The following COL6A2 variants were observed in gnomAD, a reference collection of about 807,000 sequenced individuals.
COL6A2 encodes collagen alpha-2(VI) chain.
COL6A2 carries 90 observed loss-of-function variants against 124.9 expected under a neutral mutation model. The ratio of observed to expected loss-of-function variants is 0.72; its 90% CI spans 0.61 to 0.86. The LOEUF is 0.86. COL6A2 is among the 40% of genes least tolerant of loss of function. The probability of loss-of-function intolerance (pLI) is 0.00; values close to 1 mark genes in which losing one functional copy is unlikely to be tolerated. For synonymous variants in COL6A2, 793 were observed against 618.2 expected (o/e 1.28, Z -4.19); for missense variants, 1,607 against 1,502.5 (o/e 1.07, Z -1.15).
Position 46,132,450 on chromosome 21 carries a change from C to G in COL6A2, c.2958C>G (p.Thr986=), listed in dbSNP as rs777656227. The change falls in exon 28 of 28, where the codon ACC becomes ACG. Residue 986 remains threonine, a synonymous_variant. Coordinates refer to ENST00000300527, the MANE Select transcript of COL6A2 (RefSeq NM_001849.4). ...LGSDVDMDVL[T]TLSLGDRAAV... is the part of the protein sequence containing the mutation. ...GCGACGTGGACATGGACGTGCTCACCACGCTCAGCCTGGGTGACCGCGCCG... is the reference window on the plus strand; with the variant it reads ...GCGACGTGGACATGGACGTGCTCACGACGCTCAGCCTGGGTGACCGCGCCG... 2.1e-5 allele frequency: 33 copies of G among 1,606,138 alleles called. No homozygotes were observed. Among genetic ancestry groups the G allele is most frequent in the Non-Finnish European group, 2.6e-5 (31 of 1,176,740 alleles).
chr21:46,123,945 G>A (rs1182056212), intron 21 of COL6A2, among the ~76,000 whole-genome samples: 1 of 148,414 alleles, frequency 6.7e-6, no homozygotes, highest in Non-Finnish European at 1.5e-5. Context: ...TAGGTGATGG[G>A]TGGATGAGTG....
At chr21:46,101,933 G>A (rs1351188081) in intron 1 of COL6A2, among the ~76,000 whole-genome samples, 2 of 118,784 alleles carry the variant, frequency 1.7e-5, no homozygotes, top group Admixed American at 8.6e-5. Context: ...CACTATTTCT[G>A]AAAAAAAAAA....
At chr21:46,130,388 T>C (rs2078745490) in intron 27 of COL6A2, among the ~76,000 whole-genome samples, 1 of 151,920 alleles carries the variant, frequency 6.6e-6, no homozygotes, top group Non-Finnish European at 1.5e-5. Context: ...CACGGCGAGC[T>C]GACCCCGACG....
At chr21:46,101,285 T>C (rs1462869059) in intron 1 of COL6A2, among the ~76,000 whole-genome samples, 1 of 152,242 alleles carries the variant, frequency 6.6e-6, no homozygotes, top group Non-Finnish European at 1.5e-5. Flanking sequence ...ATTTTAGGAG[T>C]TCTCTGTATA....
rs768434256 is a variant in COL6A2, at chr21:46,112,032, G to A, written c.169G>A (p.Val57Ile). 3.3e-5 allele frequency: 54 copies of A among 1,612,834 alleles called. No homozygotes were observed. Among genetic ancestry groups the A allele is most frequent in the South Asian group, 6.6e-5 (6 of 91,076 alleles). ...CTTCGTGCTGGACACCTCGGAGAGC[G>A]TCACCATGCAGTCCCCCACGGACAT... ...VYFVLDTSES[V>I]TMQSPTDILL... Residue 57 changes from valine (V) to isoleucine (I), a missense_variant, in exon 3 of 28, where the codon GTC becomes ATC. Coordinates refer to ENST00000300527, the MANE Select transcript of COL6A2 (RefSeq NM_001849.4).
At chr21:46,119,875 C>T (rs371339730) in intron 15 of COL6A2, 25 bp downstream of exon 15, 252 of 1,550,838 alleles carry the variant, frequency 1.6e-4, no homozygotes, top group Non-Finnish European at 1.9e-4. Flanking sequence ...GGAGGCAGCC[C>T]AGGGTCTCAC....
At position 46,125,870 on chromosome 21, in the gene COL6A2, G is replaced by C; in HGVS notation, c.2055G>C (p.Ser685=). Residue 685 remains serine, a synonymous_variant, in exon 26 of 28, where the codon TCG becomes TCC. Transcript: ENST00000300527. ...ACGACGAACGTATCGACTCCCTGTC[G>C]AGCTTCAAGGAGGCTGTCAAGAACC... The part of the protein sequence containing the change: ...QLDDERIDSL[S]SFKEAVKNLE... 5 of 1,613,054 alleles carry C rather than the reference G, an allele frequency of 3.1e-6. No individual in the cohort carries two copies. Among genetic ancestry groups the C allele is most frequent in the Non-Finnish European group, 4.2e-6 (5 of 1,179,984 alleles).
chr21:46,122,369 G>C, intron 19 of COL6A2, 127 bp from the exon 20 acceptor site: 1 of 1,370,768 alleles, frequency 7.3e-7, no homozygotes, highest in East Asian at 2.3e-5. Context: ...TCAGAACGCA[G>C]CACAGTGGCC....
At chr21:46,125,378 TGG>T in intron 24 of COL6A2, 67 bp downstream of exon 24, 6 of 1,604,870 alleles carry the variant, frequency 3.7e-6, no homozygotes, top group Non-Finnish European at 5.1e-6. Flanking sequence ...GCAGCAGGGC[TGG>T]GTCATCGCTG....
At chr21:46,118,837 G>A (rs1405592989) in intron 13 of COL6A2, among the ~76,000 whole-genome samples, 161 bp downstream of exon 13, 1 of 152,210 alleles carries the variant, frequency 6.6e-6, no homozygotes, top group African/African-American at 2.4e-5. Context: ...TGTGCCCTGA[G>A]CCACCAGCCC....
intron 27 of COL6A2, 137 bp downstream of exon 27, chr21:46,126,678 A>C (rs2078675368): frequency 9.6e-7 from 1 of 1,046,902 alleles, no homozygotes; most frequent in African/African-American, 1.6e-5. Flanking sequence ...GCTGCTCCTT[A>C]GGGAGATGGC....
rs886043730 is a variant in COL6A2, at chr21:46,117,857, TCTCA to T, written c.1054-13_1054-10del. The T allele has an allele frequency of 6.2e-7, 1 of 1,607,126 alleles. No individual in the cohort carries two copies. The highest frequency in any genetic ancestry group is 2.2e-5 in the East Asian group (1 of 44,638). ...CACCCGCCGTGTGCCGAGCTCCACC[TCTCA>T]CTCCTCTCTCAGGGCCCCGACGGTT... On this transcript the variant is annotated splice_polypyrimidine_tract_variant and intron_variant, in intron 11 of 27. Transcript: ENST00000300527.
chr21:46,119,672 CA>C (rs1347672317), intron 14 of COL6A2, 115 bp from the exon 15 acceptor site: 1 of 960,054 alleles, frequency 1.0e-6, no homozygotes, highest in Non-Finnish European at 1.6e-6. Flanking sequence ...TCCCAGGTCC[CA>C]AAGCCAGAGC....
chr21:46,129,852 C>T (rs2078737758), intron 27 of COL6A2: 3 of 1,060,360 alleles, frequency 2.8e-6, no homozygotes, highest in African/African-American at 3.3e-5. Context: ...TCACAGGCTC[C>T]AGGGTTTGGG....
chr21:46,122,000 C>A, intron 18 of COL6A2, 108 bp from the exon 19 acceptor site: 1 of 1,204,524 alleles, frequency 8.3e-7, no homozygotes, highest in Non-Finnish European at 1.2e-6. Context: ...CTCGACGGCA[C>A]CCCTAGCCCA....
In COL6A2 at chr21:46,132,673, C is replaced by T. The variant is rs886057170; in HGVS notation, c.*121C>T. 6 of 1,017,678 alleles carry T rather than the reference C, an allele frequency of 5.9e-6. No individual in the cohort carries two copies. The highest frequency in any genetic ancestry group is 8.8e-6 in the Non-Finnish European group (6 of 682,582). 63.0% of individuals were successfully genotyped at this position (1,017,678 alleles called of 1,614,324 possible). A position where few individuals can be genotyped will look rare whatever the true frequency, so the allele number is the denominator to read the frequency against. On this transcript the variant is annotated 3_prime_UTR_variant, in exon 28 of 28. Transcript: ENST00000300527. ...CTCGGACGACGCCCTGGGCCTGCAC[C>T]TCTCCAGCTCCTCCCACGGGGTCCC...
rs764251094 is a variant in COL6A2 at position 46,117,871 on chromosome 21, C to G, written c.1054-3C>G. ...CGAGCTCCACCTCTCACTCCTCTCTCAGGGCCCCGACGGTTACCCGGGGGA... is the reference window on the plus strand; with the variant it reads ...CGAGCTCCACCTCTCACTCCTCTCTGAGGGCCCCGACGGTTACCCGGGGGA... On this transcript the variant is annotated splice_polypyrimidine_tract_variant and splice_region_variant and intron_variant, in intron 11 of 27. Transcript: ENST00000300527. 13 of 1,610,190 alleles carry G rather than the reference C, an allele frequency of 8.1e-6. No homozygotes were observed. The highest frequency in any genetic ancestry group is 9.3e-6 in the Non-Finnish European group (11 of 1,179,088).
chr21:46,124,950 CCTT>C (rs2078637365), intron 23 of COL6A2, 30 bp downstream of exon 23: 3 of 1,612,294 alleles, frequency 1.9e-6, no homozygotes, highest in African/African-American at 2.7e-5. Flanking sequence ...GAACCAGTGT[CCTT>C]CTCCTGCCAA....
chr21:46,107,249 A>G (rs1473081955), intron 1 of COL6A2, among the ~76,000 whole-genome samples: 1 of 152,122 alleles, frequency 6.6e-6, no homozygotes, highest in Non-Finnish European at 1.5e-5. Flanking sequence ...TTGAGGACTA[A>G]GCTCTGATTT....
Sources: allele counts gnomAD v4.1 joint callset (sites outside exome capture counted in the v4.1 genomes callset), GRCh38; gene constraint gnomAD v4.1.1; transcripts MANE v1.5; gene names NCBI Gene and HGNC (gene_info 2026-07-23, HGNC 2026-07-21).